VIT: variants seen among roughly 807,000 people sequenced by gnomAD.
VIT encodes the protein vitrin.
VIT carries 99 observed loss-of-function variants against 78.0 expected under a neutral mutation model. The ratio of observed to expected loss-of-function variants is 1.27; its 90% CI spans 1.08 to 1.50. The LOEUF (loss-of-function observed/expected upper bound fraction) is 1.50, where lower values mean the gene tolerates loss of function less well. VIT is among the 40% of genes most tolerant of loss of function. The pLI, the probability that VIT is intolerant of heterozygous loss-of-function variation, is 0.00. For synonymous variants in VIT, 374 were observed against 334.3 expected (o/e 1.12, Z -1.29); for missense variants, 1,126 against 875.3 (o/e 1.29, Z -3.61).
intron 5 of VIT, among the ~76,000 whole-genome samples, chr2:36,758,268 G>GA (rs1379829236): frequency 6.6e-6 from 1 of 152,200 alleles, no homozygotes; most frequent in Non-Finnish European, 1.5e-5. Context: ...TACCAAGTCA[G>GA]AAAAATGACT....
intron 3 of VIT, among the ~76,000 whole-genome samples, chr2:36,735,501 A>G (rs886902358): frequency 2.0e-5 from 3 of 152,216 alleles, no homozygotes; most frequent in African/African-American, 4.8e-5. Flanking sequence ...TGTGCAGTCT[A>G]GAAGATTCGG....
In VIT at chr2:36,745,888, T is replaced by G. The variant is rs144044747; in HGVS notation, c.275+2632T>G. 5.7e-3 allele frequency among the ~76,000 whole-genome samples: 865 copies of G among 152,316 alleles called. 10 individuals carry two copies. The highest frequency in any genetic ancestry group is 0.019 in the African/African-American group (778 of 41,574). On this transcript the variant is annotated intron_variant, in intron 4 of 15. Coordinates refer to ENST00000379242, the MANE Select transcript of VIT (RefSeq NM_053276.4). ...GAACATGCTTGTCTTGTTCCAGTTCTCAAGGGGAATGCTTCCAGCTTTTGC... is the reference window on the plus strand; with the variant it reads ...GAACATGCTTGTCTTGTTCCAGTTCGCAAGGGGAATGCTTCCAGCTTTTGC...
At chr2:36,714,421 A>G (rs532214050) in intron 1 of VIT, among the ~76,000 whole-genome samples, 1 of 152,236 alleles carries the variant, frequency 6.6e-6, no homozygotes, top group South Asian at 2.1e-4. Flanking sequence ...ACAGAAATTG[A>G]CAAGCTCTGC....
chr2:36,719,554 G>T (rs1351755840), intron 2 of VIT, among the ~76,000 whole-genome samples: 1 of 149,278 alleles, frequency 6.7e-6, no homozygotes, highest in African/African-American at 2.5e-5. Context: ...ATCTGAAAAA[G>T]AAACAATCTC....
intron 11 of VIT, 84 bp downstream of exon 11, chr2:36,783,486 AC>A: frequency 7.6e-7 from 1 of 1,314,364 alleles, no homozygotes; most frequent in Non-Finnish European, 1.1e-6. Context: ...TCCCACTCAA[AC>A]CTGCCTCTCT....
At chr2:36,757,438 C>A (rs1668835500) in intron 5 of VIT, among the ~76,000 whole-genome samples, 1 of 145,642 alleles carries the variant, frequency 6.9e-6, no homozygotes, top group African/African-American at 2.6e-5. Flanking sequence ...TGAGCTCATG[C>A]TCCTTTTCCT....
intron 12 of VIT, among the ~76,000 whole-genome samples, chr2:36,791,004 C>CCAGA (rs1665460087): frequency 6.6e-6 from 1 of 152,172 alleles, no homozygotes; most frequent in South Asian, 2.1e-4. Context: ...TAACAGTCCT[C>CCAGA]CAGACCTTCA....
At chr2:36,766,959 G>T (rs1669467416) in intron 6 of VIT, 135 bp from the exon 7 acceptor site, 8 of 1,007,964 alleles carry the variant, frequency 7.9e-6, no homozygotes, top group East Asian at 3.2e-5. Flanking sequence ...GCTGTTACCT[G>T]GGTTTCACCC....
intron 2 of VIT, 41 bp downstream of exon 2, chr2:36,716,463 T>G: frequency 2.5e-6 from 4 of 1,597,908 alleles, no homozygotes; most frequent in Non-Finnish European, 3.4e-6. Context: ...CCTTTTAAAA[T>G]TTTCCTAAGA....
chr2:36,713,623 G>A (rs913012378), intron 1 of VIT, among the ~76,000 whole-genome samples: 6 of 152,190 alleles, frequency 3.9e-5, no homozygotes, highest in South Asian at 2.1e-4. Context: ...ATCTAGGTGG[G>A]AGAGGGCAGA....
rs1005421878 is a variant in VIT at position 36,814,443 on chromosome 2, C to T, written c.*82C>T. On this transcript the variant is annotated 3_prime_UTR_variant, in exon 16 of 16. Transcript: ENST00000379242. Reference sequence around the variant, plus strand: ...ACCCCACCGCTTAATGGGGCACGCACGGTGCATCAAGTCTTGGGCAGGGCA... The same window carrying T: ...ACCCCACCGCTTAATGGGGCACGCATGGTGCATCAAGTCTTGGGCAGGGCA... 83 of 1,507,632 alleles carry T rather than the reference C, an allele frequency of 5.5e-5. No individual in the cohort carries two copies. Among genetic ancestry groups the T allele is most frequent in the Non-Finnish European group, 6.9e-5 (76 of 1,107,388 alleles). The allele number at this position is 1,507,632 out of a possible 1,614,324, so 93.4% of individuals were successfully genotyped here. A position where few individuals can be genotyped will look rare whatever the true frequency, so the allele number is the denominator to read the frequency against.
At position 36,773,320 on chromosome 2, in the gene VIT, C is replaced by CTT. The variant is rs11464270; in HGVS notation, c.680-459_680-458dup. 3.3e-3 allele frequency among the ~76,000 whole-genome samples: 481 copies of CTT among 145,744 alleles called. 1 individual carries two copies. Among genetic ancestry groups the CTT allele is most frequent in the Middle Eastern group, 0.011 (3 of 282 alleles). On this transcript the variant is annotated intron_variant, in intron 7 of 15. Transcript: ENST00000379242. ...TAGTTGGTGTTTTAGGTTAAATACT[C>CTT]TTTTTTTTTTTTTCATTTGAATTCC...
rs573499518 is a variant in VIT, at chr2:36,814,440, G to T, written c.*79G>T. 7 of 1,503,466 alleles carry T rather than the reference G, an allele frequency of 4.7e-6. No homozygotes were observed. Among genetic ancestry groups the T allele is most frequent in the South Asian group, 1.2e-5 (1 of 80,846 alleles). The allele number at this position is 1,503,466 out of a possible 1,614,324, so 93.1% of individuals were successfully genotyped here. A position where few individuals can be genotyped will look rare whatever the true frequency, so the allele number is the denominator to read the frequency against. ...ACCACCCCACCGCTTAATGGGGCAC[G>T]CACGGTGCATCAAGTCTTGGGCAGG... is the stretch of plus-strand genomic sequence containing the variant. On this transcript the variant is annotated 3_prime_UTR_variant, in exon 16 of 16. Transcript: ENST00000379242.
chr2:36,707,804 A>G (rs1207652963), intron 1 of VIT, among the ~76,000 whole-genome samples: 5 of 151,556 alleles, frequency 3.3e-5, no homozygotes, highest in Non-Finnish European at 7.4e-5. Context: ...AAAAGGCAAA[A>G]TTTCCCCTGC....
At chr2:36,797,934 G>A (rs938127334) in intron 12 of VIT, among the ~76,000 whole-genome samples, 5 of 152,174 alleles carry the variant, frequency 3.3e-5, no homozygotes, top group Admixed American at 6.5e-5. Flanking sequence ...GGGGCTGGGA[G>A]TAAGGGAGAT....
intron 8 of VIT, chr2:36,774,660 A>G (rs1420878072): frequency 3.0e-6 from 3 of 985,306 alleles, no homozygotes; most frequent in South Asian, 4.7e-5. Context: ...AGCTTCTATG[A>G]GCTTCACAAT....
intron 3 of VIT, among the ~76,000 whole-genome samples, chr2:36,738,766 A>G (rs1667659571): frequency 6.6e-6 from 1 of 152,248 alleles, no homozygotes; most frequent in African/African-American, 2.4e-5. Flanking sequence ...TTTAGAAAGT[A>G]AAGACTTTAT....
Position 36,713,130 on chromosome 2 carries a change from A to G in VIT, c.-18-3223A>G, listed in dbSNP as rs536923801. Among the ~76,000 whole-genome samples the G allele has an allele frequency of 5.3e-5, 8 of 152,288 alleles. No individual in the cohort carries two copies. The East Asian group carries it at 1.3e-3, about 26-fold the overall frequency. On this transcript the variant is annotated intron_variant, in intron 1 of 15. Transcript: ENST00000379242. The stretch of plus-strand genomic sequence containing the variant: ...GAAGACAGTAGGAAAGGGATAGGGT[A>G]TATTCATTGGTGGTGGGTGAGGTGG...
chr2:36,806,826 G>A (rs1159193051), intron 14 of VIT, among the ~76,000 whole-genome samples: 1 of 152,154 alleles, frequency 6.6e-6, no homozygotes, highest in Non-Finnish European at 1.5e-5. Flanking sequence ...GCCTCCCAAA[G>A]TGCTGGGATT....
Sources: allele counts gnomAD v4.1 joint callset (sites outside exome capture counted in the v4.1 genomes callset), GRCh38; gene constraint gnomAD v4.1.1; transcripts MANE v1.5; gene names NCBI Gene and HGNC (gene_info 2026-07-23, HGNC 2026-07-21).